The following RASA2 variants were observed in gnomAD, a reference collection of about 807,000 sequenced individuals.
RASA2 encodes the protein ras GTPase-activating protein 2.
RASA2 carries 155 observed loss-of-function variants against 118.2 expected under a neutral mutation model. That is an observed-to-expected ratio of 1.31 (90% CI 1.15 to 1.50). The LOEUF (loss-of-function observed/expected upper bound fraction) is 1.50. Ranked by LOEUF, RASA2 falls within the 40% of genes most tolerant of loss-of-function variation. The probability of loss-of-function intolerance (pLI) is 0.00; values close to 1 mark genes in which losing one functional copy is unlikely to be tolerated. For missense variants in RASA2, 1,016 were observed against 1,009.6 expected (o/e 1.01, Z -0.09); for synonymous variants, 353 against 349.1 (o/e 1.01, Z -0.12).
In RASA2 at chr3:141,583,228, A is replaced by T. The variant is rs533123863; in HGVS notation, c.1752+2051A>T. On this transcript the variant is annotated intron_variant, in intron 17 of 23. Coordinates refer to ENST00000286364, the MANE Select transcript of RASA2 (RefSeq NM_006506.5). ...CACCTGAGGTCAGGAGTTGGAGACC[A>T]GCCTGGCTAACATGGTGAAACCCTG... 5.3e-5 allele frequency among the ~76,000 whole-genome samples: 8 copies of T among 152,272 alleles called. No homozygotes were observed. In the East Asian group the frequency reaches 1.5e-3, roughly 29 times the overall value.
intron 14 of RASA2, among the ~76,000 whole-genome samples, chr3:141,576,792 A>T (rs1056325544): frequency 2.0e-5 from 3 of 151,780 alleles, no homozygotes; most frequent in African/African-American, 7.3e-5. Flanking sequence ...CTTTTTTCAT[A>T]TTATTTCTTA....
chr3:141,534,709 A>G (rs2082304468), intron 4 of RASA2, among the ~76,000 whole-genome samples: 1 of 152,172 alleles, frequency 6.6e-6, no homozygotes, highest in African/African-American at 2.4e-5. Context: ...TATTCAAGAC[A>G]TAACAAATGT....
chr3:141,574,179 TTTTTA>T (rs983386399), intron 14 of RASA2, 112 bp downstream of exon 14: 34 of 702,276 alleles, frequency 4.8e-5, no homozygotes, highest in South Asian at 3.6e-4. Flanking sequence ...TATTTATTTA[TTTTTA>T]TTTTATTTTA....
intron 3 of RASA2, among the ~76,000 whole-genome samples, chr3:141,518,263 G>A (rs1027858441): frequency 6.6e-6 from 1 of 151,400 alleles, no homozygotes; most frequent in Non-Finnish European, 1.5e-5. Flanking sequence ...GAGGTGGGCA[G>A]ATCACGAGGT....
At chr3:141,557,778 AAGAG>A (rs1476921715) in intron 7 of RASA2, among the ~76,000 whole-genome samples, 3 of 152,298 alleles carry the variant, frequency 2.0e-5, no homozygotes, top group African/African-American at 7.2e-5. Flanking sequence ...AGGCAGATAA[AAGAG>A]AGAATGCAAA....
chr3:141,523,478 C>T lies in RASA2; in HGVS notation c.356-6230C>T, dbSNP rs1027109654. On this transcript the variant is annotated intron_variant, in intron 3 of 23. Coordinates refer to ENST00000286364, the MANE Select transcript of RASA2 (RefSeq NM_006506.5). ...CCAGAGGTAATAATTGTTATTAATTCGGGGCATAATTGTTTATATTAGGCA... is the reference window on the plus strand; with the variant it reads ...CCAGAGGTAATAATTGTTATTAATTTGGGGCATAATTGTTTATATTAGGCA... Among the ~76,000 whole-genome samples the T allele has an allele frequency of 5.9e-5, 9 of 152,100 alleles. No homozygotes were observed. The South Asian group carries it at 1.2e-3, about 21-fold the overall frequency.
chr3:141,529,761 TG>T lies in RASA2; in HGVS notation c.411del (p.Trp137CysfsTer21). The T allele has an allele frequency of 1.9e-6, 3 of 1,612,346 alleles. No homozygotes were observed. The highest frequency in any genetic ancestry group is 2.5e-6 in the Non-Finnish European group (3 of 1,178,756). ...DLCNHSGKETWFSLQPVDSNS... is the reference protein window; with the variant it reads ...DLCNHSGKETXFSLQPVDSNS... ...GTGTAATCACAGTGGCAAAGAAACT[TG>T]GTTTTCATTACAGCCTGTTGACTCC... On this transcript the variant is annotated frameshift_variant, in exon 4 of 24. Coordinates refer to ENST00000286364, the MANE Select transcript of RASA2 (RefSeq NM_006506.5). LOFTEE classifies it high-confidence loss of function.
chr3:141,523,424 T>G (rs2082140676), intron 3 of RASA2, among the ~76,000 whole-genome samples: 1 of 152,220 alleles, frequency 6.6e-6, no homozygotes, highest in Non-Finnish European at 1.5e-5. Flanking sequence ...TAAATTACTT[T>G]TGACCACTGC....
At chr3:141,550,316 T>G (rs745305899) in intron 5 of RASA2, among the ~76,000 whole-genome samples, 5 of 151,982 alleles carry the variant, frequency 3.3e-5, no homozygotes, top group African/African-American at 4.8e-5. Flanking sequence ...TAATCATGAG[T>G]AAACATCAGA....
chr3:141,537,656 C>A (rs1446894998), intron 4 of RASA2, among the ~76,000 whole-genome samples: 1 of 152,096 alleles, frequency 6.6e-6, no homozygotes, highest in Non-Finnish European at 1.5e-5. Context: ...GTAGTCCCAG[C>A]TACTCGGGAG....
rs1191528588 is a variant in RASA2 at position 141,549,482 on chromosome 3, T to TGC, written c.528-4373_528-4372dup. Among the ~76,000 whole-genome samples, 7 of 132,380 alleles carry TGC rather than the reference T, an allele frequency of 5.3e-5. No individual in the cohort carries two copies. The East Asian group carries it at 1.5e-3, about 28-fold the overall frequency. The allele number at this position is 132,380 out of a possible 152,430, so 86.8% of individuals were successfully genotyped here. ...GTAGGAGTGTGTATGAGTGTGTGTG[T>TGC]GCGTGTGTGTGTGTGTGTGTGTGTG... On this transcript the variant is annotated intron_variant, in intron 5 of 23. Transcript: ENST00000286364.
intron 19 of RASA2, among the ~76,000 whole-genome samples, chr3:141,605,346 T>C (rs1008845095): frequency 1.3e-5 from 2 of 152,190 alleles, no homozygotes; most frequent in Admixed American, 1.3e-4. Flanking sequence ...CTTCTTGTAC[T>C]GTATTTTTGG....
intron 4 of RASA2, 121 bp downstream of exon 4, chr3:141,529,923 ATAT>A: frequency 2.7e-6 from 2 of 738,576 alleles, no homozygotes; most frequent in Non-Finnish European, 4.3e-6. Context: ...CTAGCATCAA[ATAT>A]TATAGACTTT....
At chr3:141,532,046 T>G (rs1011990235) in intron 4 of RASA2, among the ~76,000 whole-genome samples, 1 of 152,122 alleles carries the variant, frequency 6.6e-6, no homozygotes, top group Non-Finnish European at 1.5e-5. Context: ...GAACTCAGTC[T>G]GATAATTACT....
intron 1 of RASA2, among the ~76,000 whole-genome samples, chr3:141,494,602 C>T (rs2081678010): frequency 6.6e-6 from 1 of 152,134 alleles, no homozygotes; most frequent in African/African-American, 2.4e-5. Flanking sequence ...CTCCTGATCT[C>T]GTGATCTGCC....
chr3:141,603,891 C>A (rs1447072205), intron 19 of RASA2, among the ~76,000 whole-genome samples: 1 of 152,184 alleles, frequency 6.6e-6, no homozygotes, highest in East Asian at 1.9e-4. Flanking sequence ...TTTGGAGGTT[C>A]ATTCATGTTG....
chr3:141,525,205 G>A (rs2082168153), intron 3 of RASA2: 1 of 152,070 alleles, frequency 6.6e-6, no homozygotes, highest in African/African-American at 2.4e-5. Context: ...TACAGCATCT[G>A]GTGTGTATAT....
chr3:141,608,505 A>G lies in RASA2; in HGVS notation c.2033A>G (p.His678Arg). ...FNKKNMFQVI[H>R]TEKPLYVQAN... is the part of the protein sequence containing the mutation. ...CCTATGAAGATGTTCCAAGTAATAC[A>G]TACGGAGAAACCACTCTATGTCCAG... is the stretch of plus-strand genomic sequence containing the variant. Residue 678 changes from histidine (H) to arginine (R), a missense_variant, in exon 21 of 24, where the codon CAT (histidine) becomes CGT (arginine). Coordinates refer to ENST00000286364, the MANE Select transcript of RASA2 (RefSeq NM_006506.5). The G allele has an allele frequency of 6.2e-7, 1 of 1,613,804 alleles. No homozygotes were observed. The highest frequency in any genetic ancestry group is 8.5e-7 in the Non-Finnish European group (1 of 1,179,772).
At chr3:141,587,832 C>A (rs1160362315) in intron 19 of RASA2, among the ~76,000 whole-genome samples, 2 of 151,782 alleles carry the variant, frequency 1.3e-5, no homozygotes, top group African/African-American at 4.8e-5. Context: ...TCCCTTCTGT[C>A]CAAAATGATC....
Sources: gnomAD v4.1 joint callset for allele counts (sites outside exome capture counted in the v4.1 genomes callset) on GRCh38, gnomAD v4.1.1 for gene constraint, MANE v1.5 for transcripts, NCBI Gene and HGNC (gene_info 2026-07-23, HGNC 2026-07-21) for gene names.